Variants in GNAQ observed in about 807,000 individuals in gnomAD.
GNAQ encodes G protein subunit alpha q.
Under a neutral mutation model 43.9 loss-of-function variants are expected in GNAQ, and 8 were observed. The ratio of observed to expected loss-of-function variants is 0.18; its 90% confidence interval spans 0.11 to 0.33. The LOEUF (loss-of-function observed/expected upper bound fraction) is 0.33. Ranked by LOEUF, GNAQ falls within the 10% of genes least tolerant of loss-of-function variation. The pLI is 1.00. For synonymous variants in GNAQ, 155 were observed against 170.7 expected, an observed-to-expected ratio of 0.91 and a Z score of 0.71; for missense variants, 158 against 450.8, an observed-to-expected ratio of 0.35 and a Z score of 5.88.
intron 1 of GNAQ, among the ~76,000 whole-genome samples, chr9:78,004,355 C>T (rs1464632724): frequency 6.6e-6 from 1 of 152,046 alleles, no homozygotes; most frequent in African/African-American, 2.4e-5. Flanking sequence ...TACAGCATCA[C>T]CATTCTCCGA....
At chr9:77,885,754 G>A (rs2118085210) in intron 2 of GNAQ, among the ~76,000 whole-genome samples, 1 of 146,820 alleles carries the variant, frequency 6.8e-6, no homozygotes, top group East Asian at 2.0e-4. Context: ...TTTTTTTAAT[G>A]AGATTGAAAG....
At chr9:77,799,427 T>C (rs2118462707) in intron 3 of GNAQ, among the ~76,000 whole-genome samples, 1 of 152,322 alleles carries the variant, frequency 6.6e-6, no homozygotes, top group East Asian at 1.9e-4. Context: ...CACACTCATC[T>C]TTATTTCTGC....
chr9:77,897,945 A>AGG (rs1236187706), intron 2 of GNAQ, among the ~76,000 whole-genome samples: 224 of 144,194 alleles, frequency 1.6e-3, no homozygotes, highest in East Asian at 5.8e-3. Flanking sequence ...TTCCCTGGAA[A>AGG]AAAAAAAAAA....
intron 1 of GNAQ, among the ~76,000 whole-genome samples, chr9:77,989,770 T>C (rs1263712166): frequency 6.6e-6 from 1 of 152,222 alleles, no homozygotes; most frequent in Admixed American, 6.5e-5. Context: ...GTGTTTCTGC[T>C]ACCAGCAGCC....
intron 2 of GNAQ, among the ~76,000 whole-genome samples, chr9:77,897,895 A>G (rs1828528847): frequency 6.6e-6 from 1 of 151,624 alleles, no homozygotes; most frequent in African/African-American, 2.4e-5. Context: ...CAACAACAAC[A>G]AAAGTTAGTG....
chr9:77,915,300 C>A (rs1828880527), intron 2 of GNAQ, among the ~76,000 whole-genome samples: 2 of 130,546 alleles, frequency 1.5e-5, no homozygotes, highest in Admixed American at 1.7e-4. Context: ...CCTCCTAAAT[C>A]TGGTCACATT....
At chr9:77,745,182 G>A (rs1324838921) in intron 5 of GNAQ, among the ~76,000 whole-genome samples, 1 of 152,118 alleles carries the variant, frequency 6.6e-6, no homozygotes, top group Non-Finnish European at 1.5e-5. Context: ...CTGTAACTGG[G>A]CTGAACAAGA....
At chr9:77,762,795 TA>T (rs532093567) in intron 5 of GNAQ, among the ~76,000 whole-genome samples, 89 of 152,204 alleles carry the variant, frequency 5.8e-4, no homozygotes, top group East Asian at 1.7e-3. Context: ...TCTGTGACCT[TA>T]ACCCCCAACC....
chr9:77,955,346 T>G (rs759122770), intron 1 of GNAQ, among the ~76,000 whole-genome samples: 1 of 152,102 alleles, frequency 6.6e-6, no homozygotes, highest in Admixed American at 6.6e-5. Flanking sequence ...TTTCACCATC[T>G]TGGCCAGGCT....
In GNAQ at chr9:77,987,343, G is replaced by GA. The variant is rs149587396; in HGVS notation, c.136+43756dup. On this transcript the variant is annotated intron_variant, in intron 1 of 6. Transcript: ENST00000286548. The stretch of plus-strand genomic sequence containing the variant: ...TGAAATGGTAGGAGTCAGTTAGACC[G>GA]AAAAAAAAAATCCTTGCGGTTGAGA... Among the ~76,000 whole-genome samples, 22 of 148,490 alleles carry GA rather than the reference G, an allele frequency of 1.5e-4. 1 individual carries two copies. The highest frequency in any genetic ancestry group is 6.7e-4 in the Admixed American group (10 of 14,952).
intron 5 of GNAQ, among the ~76,000 whole-genome samples, chr9:77,748,504 T>C (rs1284146668): frequency 1.3e-5 from 2 of 152,198 alleles, no homozygotes; most frequent in Non-Finnish European, 2.9e-5. Flanking sequence ...CTACAGTAAA[T>C]GTGGGGCATA....
intron 5 of GNAQ, among the ~76,000 whole-genome samples, chr9:77,770,726 G>A (rs1379245162): frequency 6.6e-6 from 1 of 152,128 alleles, no homozygotes; most frequent in Non-Finnish European, 1.5e-5. Flanking sequence ...TTCAGTGGGA[G>A]GAAAATTGAA....
intron 1 of GNAQ, among the ~76,000 whole-genome samples, chr9:77,942,546 C>G (rs1178173678): frequency 6.6e-6 from 1 of 152,146 alleles, no homozygotes; most frequent in Non-Finnish European, 1.5e-5. Flanking sequence ...ATTAGTAACC[C>G]TTGTCCTAAT....
intron 2 of GNAQ, among the ~76,000 whole-genome samples, chr9:77,896,351 T>A (rs755595887): frequency 2.6e-5 from 4 of 152,204 alleles, no homozygotes; most frequent in Non-Finnish European, 4.4e-5. Flanking sequence ...TAAACTCCCA[T>A]AAACCTTTCA....
chr9:77,730,950 G>A (rs1236986355), intron 5 of GNAQ, among the ~76,000 whole-genome samples: 1 of 152,160 alleles, frequency 6.6e-6, no homozygotes, highest in South Asian at 2.1e-4. Context: ...GGAGAGTGGT[G>A]TTTTTCTTTT....
At chr9:77,972,573 T>C (rs1015396721) in intron 1 of GNAQ, among the ~76,000 whole-genome samples, 2 of 152,100 alleles carry the variant, frequency 1.3e-5, no homozygotes, top group African/African-American at 2.4e-5. Context: ...AAGAAGTCTA[T>C]TCACTACAAC....
At chr9:77,937,893 AAAAT>A (rs756532470) in intron 1 of GNAQ, among the ~76,000 whole-genome samples, 1 of 152,204 alleles carries the variant, frequency 6.6e-6, no homozygotes, top group East Asian at 1.9e-4. Flanking sequence ...ACTCTGTCTC[AAAAT>A]AAATAAATAA....
intron 1 of GNAQ, among the ~76,000 whole-genome samples, chr9:78,004,857 A>C (rs1823686306): frequency 6.6e-6 from 1 of 151,930 alleles, no homozygotes; most frequent in Non-Finnish European, 1.5e-5. Context: ...GAAAGCAACA[A>C]ATATCTGAGG....
intron 1 of GNAQ, among the ~76,000 whole-genome samples, chr9:78,018,177 C>CA (rs11423225): frequency 0.058 from 8,148 of 140,904 alleles, 560 homozygotes; most frequent in African/African-American, 0.17. Context: ...CCTAAATGTA[C>CA]AAAAAAAAAA....
Sources: gnomAD v4.1 joint callset for allele counts (sites outside exome capture counted in the v4.1 genomes callset) on GRCh38, gnomAD v4.1.1 for gene constraint, MANE v1.5 for transcripts, NCBI Gene and HGNC (gene_info 2026-07-23, HGNC 2026-07-21) for gene names.